Variants in CSTB observed in about 807,000 individuals in gnomAD.
CSTB encodes cystatin B.
CSTB carries 8 observed loss-of-function variants against 7.6 expected under a neutral mutation model. That is an observed-to-expected ratio of 1.05 (90% confidence interval 0.62 to 1.89). The LOEUF (loss-of-function observed/expected upper bound fraction) is 1.89, where lower values mean the gene tolerates loss of function less well. CSTB is among the 40% of genes most tolerant of loss of function. CSTB has a pLI of 0.00. For synonymous variants in CSTB, 56 were observed against 55.3 expected (o/e 1.01, Z -0.06); for missense variants, 124 against 126.4 (o/e 0.98, Z 0.09).
rs1201226496 is a variant in CSTB at position 43,776,187 on chromosome 21, C to A, written c.66+17G>T. On this transcript the variant is annotated intron_variant, in intron 1 of 2. Transcript: ENST00000291568. ...AGGCAGGACTCCGGGCCGGCCCCGT[C>A]CCCGCGGCCCACCCACCTGGTCGGC... The A allele has an allele frequency of 6.5e-7, 1 of 1,526,790 alleles. No individual in the cohort carries two copies. Among genetic ancestry groups the A allele is most frequent in the Non-Finnish European group, 8.8e-7 (1 of 1,141,288 alleles). 94.6% of individuals were successfully genotyped at this position (1,526,790 alleles called of 1,614,324 possible).
chr21:43,775,093 A>G (rs570066752), intron 1 of CSTB: 69 of 367,556 alleles, frequency 1.9e-4, no homozygotes, highest in African/African-American at 1.3e-3. Flanking sequence ...CGTGGTGGCG[A>G]GCACCTGCAA....
At chr21:43,774,972 C>G in intron 1 of CSTB, 1 of 601,550 alleles carries the variant, frequency 1.7e-6, no homozygotes, top group Admixed American at 2.5e-5. Context: ...GGATGTAATC[C>G]CAGAACTTTG....
chr21:43,774,296 C>A lies in CSTB; in HGVS notation c.203G>T (p.Arg68Leu). The change falls in exon 3 of 3, where the codon CGA becomes CTA. Residue 68 changes from arginine (R) to leucine (L), a missense_variant. By Grantham distance (102) the Arg-to-Leu change is moderately radical. Transcript: ENST00000291568. Reference protein sequence around the residue: ...HVGDEDFVHLRVFQSLPHENK... With the variant: ...HVGDEDFVHLLVFQSLPHENK... Reference sequence around the variant, plus strand: ...TTCATGAGGGAGAGATTGGAACACTCGCAGGTGTACGAAGTCCTCGTCGCC... The same window carrying A: ...TTCATGAGGGAGAGATTGGAACACTAGCAGGTGTACGAAGTCCTCGTCGCC... 1 of 1,614,198 alleles carries A rather than the reference C, an allele frequency of 6.2e-7. No homozygotes were observed. Among genetic ancestry groups the A allele is most frequent in the Non-Finnish European group, 8.5e-7 (1 of 1,180,054 alleles).
chr21:43,774,825 T>C, intron 1 of CSTB, 66 bp from the exon 2 acceptor site: 1 of 1,164,658 alleles, frequency 8.6e-7, no homozygotes, highest in Non-Finnish European at 1.3e-6. Flanking sequence ...CTAGAGTAAC[T>C]TGCACGCATG....
In CSTB at chr21:43,776,290, T is replaced by C; in HGVS notation, c.-21A>G. On this transcript the variant is annotated 5_prime_UTR_variant, in exon 1 of 3. Coordinates refer to ENST00000291568, the MANE Select transcript of CSTB (RefSeq NM_000100.4). ...ATCATCTTGGCGGCGACGGAGGGAA[T>C]CTGGCGAGGGGACTCGGCGAGGGGA... The C allele has an allele frequency of 6.5e-7, 1 of 1,528,072 alleles. No homozygotes were observed. The highest frequency in any genetic ancestry group is 1.4e-5 in the African/African-American group (1 of 70,974). 94.7% of individuals were successfully genotyped at this position (1,528,072 alleles called of 1,614,324 possible).
rs1355318085 is a variant in CSTB, at chr21:43,774,530, G to A, written c.168+128C>T. On this transcript the variant is annotated intron_variant, in intron 2 of 2. Coordinates refer to ENST00000291568, the MANE Select transcript of CSTB (RefSeq NM_000100.4). ...CCTGAAAGGCCGATGGACACACACAGTAGGATGCTTATCTCAGGGGGCAGC... is the reference window on the plus strand; with the variant it reads ...CCTGAAAGGCCGATGGACACACACAATAGGATGCTTATCTCAGGGGGCAGC... 6.3e-6 allele frequency: 7 copies of A among 1,119,112 alleles called. No individual in the cohort carries two copies. The South Asian group carries it at 7.5e-5, about 12-fold the overall frequency. The allele number at this position is 1,119,112 out of a possible 1,614,324, so 69.3% of individuals were successfully genotyped here. A position where few individuals can be genotyped will look rare whatever the true frequency, so the allele number is the denominator to read the frequency against.
rs775447833 is a variant in CSTB at position 43,774,653 on chromosome 21, T to A, written c.168+5A>T. On this transcript the variant is annotated splice_donor_5th_base_variant and intron_variant, in intron 2 of 2. Coordinates refer to ENST00000291568, the MANE Select transcript of CSTB (RefSeq NM_000100.4). ...GGGCAGGCCCTCCTGAGGCCCACAC[T>A]CTACCTTGATGAAGTAGTTTGTCCC... 6.2e-7 allele frequency: 1 copy of A among 1,612,258 alleles called. No homozygotes were observed. Among genetic ancestry groups the A allele is most frequent in the Non-Finnish European group, 8.5e-7 (1 of 1,178,334 alleles).
chr21:43,774,773 A>T lies in CSTB; in HGVS notation c.67-14T>A, dbSNP rs760098381. On this transcript the variant is annotated splice_polypyrimidine_tract_variant and intron_variant, in intron 1 of 2. Coordinates refer to ENST00000291568, the MANE Select transcript of CSTB (RefSeq NM_000100.4). Reference sequence around the variant, plus strand: ...CTGGGACCTCACCTAGACAGAAGGGACAGAATGAGGATGTCTCAGTGGCTT... The same window carrying T: ...CTGGGACCTCACCTAGACAGAAGGGTCAGAATGAGGATGTCTCAGTGGCTT... 2 of 1,602,116 alleles carry T rather than the reference A, an allele frequency of 1.2e-6. No individual in the cohort carries two copies. The highest frequency in any genetic ancestry group is 4.5e-5 in the East Asian group (2 of 44,834).
chr21:43,774,129 C>G lies in CSTB; in HGVS notation c.*73G>C. The G allele has an allele frequency of 1.2e-6, 2 of 1,604,646 alleles. No individual in the cohort carries two copies. The highest frequency in any genetic ancestry group is 1.7e-6 in the Non-Finnish European group (2 of 1,171,704). The stretch of plus-strand genomic sequence containing the variant: ...GGAGATGAAGCTTATTTTAGGATCA[C>G]AAGTGCACGCTCTGGTAGACGGAGG... On this transcript the variant is annotated 3_prime_UTR_variant, in exon 3 of 3. Coordinates refer to ENST00000291568, the MANE Select transcript of CSTB (RefSeq NM_000100.4).
At chr21:43,776,100 G>A (rs1339518988) in intron 1 of CSTB, 104 bp downstream of exon 1, 10 of 1,104,464 alleles carry the variant, frequency 9.1e-6, no homozygotes, top group Admixed American at 2.2e-5. Flanking sequence ...CAGCCCAGGG[G>A]TGCGCAGCGG....
At chr21:43,776,047 A>G (rs1403592328) in intron 1 of CSTB, 157 bp downstream of exon 1, 2 of 595,358 alleles carry the variant, frequency 3.4e-6, no homozygotes, top group Non-Finnish European at 5.4e-6. Context: ...ACTCGCGCGC[A>G]GCGCCCGAGC....
In CSTB at chr21:43,774,309, A is replaced by C. The variant is rs1453887819; in HGVS notation, c.190T>G (p.Phe64Val). The C allele has an allele frequency of 6.2e-7, 1 of 1,614,212 alleles. No homozygotes were observed. The highest frequency in any genetic ancestry group is 1.7e-5 in the Admixed American group (1 of 60,026). ...GATTGGAACACTCGCAGGTGTACGA[A>C]GTCCTCGTCGCCGACGTGCACCTGG... ...FIKVHVGDED[F>V]VHLRVFQSLP... Residue 64 changes from phenylalanine (F) to valine (V), a missense_variant, in exon 3 of 3, where the codon TTC becomes GTC. By Grantham distance (50) the Phe-to-Val change is conservative. Coordinates refer to ENST00000291568, the MANE Select transcript of CSTB (RefSeq NM_000100.4).
At chr21:43,776,165 C>T in intron 1 of CSTB, 39 bp downstream of exon 1, 1 of 1,512,626 alleles carries the variant, frequency 6.6e-7, no homozygotes, top group Non-Finnish European at 8.8e-7. Flanking sequence ...GAGGCTAAGG[C>T]AGGACTCCGG....
Position 43,774,148 on chromosome 21 carries a change from A to C in CSTB, c.*54T>G. The stretch of plus-strand genomic sequence containing the variant: ...GGATCACAAGTGCACGCTCTGGTAG[A>C]CGGAGGATGACTTTGTCAGTCTTCT... On this transcript the variant is annotated 3_prime_UTR_variant, in exon 3 of 3. Transcript: ENST00000291568. 1 of 1,613,224 alleles carries C rather than the reference A, an allele frequency of 6.2e-7. No homozygotes were observed.
At position 43,776,194 on chromosome 21, in the gene CSTB, G is replaced by A; in HGVS notation, c.66+10C>T. The A allele has an allele frequency of 6.5e-7, 1 of 1,529,330 alleles. No homozygotes were observed. The highest frequency in any genetic ancestry group is 8.8e-7 in the Non-Finnish European group (1 of 1,142,488). The allele number at this position is 1,529,330 out of a possible 1,614,324, so 94.7% of individuals were successfully genotyped here. A position where few individuals can be genotyped will look rare whatever the true frequency, so the allele number is the denominator to read the frequency against. The stretch of plus-strand genomic sequence containing the variant: ...ACTCCGGGCCGGCCCCGTCCCCGCG[G>A]CCCACCCACCTGGTCGGCGATGTGC... On this transcript the variant is annotated intron_variant, in intron 1 of 2. Transcript: ENST00000291568.
In CSTB at chr21:43,774,136, A is replaced by T; in HGVS notation, c.*66T>A. ...AAGCTTATTTTAGGATCACAAGTGC[A>T]CGCTCTGGTAGACGGAGGATGACTT... On this transcript the variant is annotated 3_prime_UTR_variant, in exon 3 of 3. Coordinates refer to ENST00000291568, the MANE Select transcript of CSTB (RefSeq NM_000100.4). 4 of 1,608,234 alleles carry T rather than the reference A, an allele frequency of 2.5e-6. No individual in the cohort carries two copies. Among genetic ancestry groups the T allele is most frequent in the Non-Finnish European group, 3.4e-6 (4 of 1,174,812 alleles).
chr21:43,774,480 T>G, intron 2 of CSTB, 150 bp from the exon 3 acceptor site: 1 of 1,317,278 alleles, frequency 7.6e-7, no homozygotes, highest in East Asian at 2.3e-5. Flanking sequence ...CTTGGGGTTC[T>G]TAGCTCCCCA....
rs312262708 is a variant in CSTB, at chr21:43,774,677, C to T, written c.149G>A (p.Gly50Glu). 3 of 1,613,950 alleles carry T rather than the reference C, an allele frequency of 1.9e-6. No individual in the cohort carries two copies. ...CTCTACCTTGATGAAGTAGTTTGTC[C>T]CCGCGACCACCTGGCTCTTGAATGA... ...AVSFKSQVVA[G>E]TNYFIKVHVG... is the part of the protein sequence containing the mutation. The change falls in exon 2 of 3, where the codon GGG becomes GAG. Residue 50 changes from glycine (G) to glutamate (E), a missense_variant. Coordinates refer to ENST00000291568, the MANE Select transcript of CSTB (RefSeq NM_000100.4).
chr21:43,775,307 G>T (rs1349114183), intron 1 of CSTB: 1 of 199,168 alleles, frequency 5.0e-6, no homozygotes, highest in East Asian at 1.3e-4. Context: ...CCATGACAGC[G>T]AGGCGGGCCT....
Sources: allele counts gnomAD v4.1 joint callset, GRCh38; gene constraint gnomAD v4.1.1; transcripts MANE v1.5; gene names NCBI Gene and HGNC (gene_info 2026-07-23, HGNC 2026-07-21).